Variants in DNASE1L1 observed in about 807,000 individuals in gnomAD.
DNASE1L1 encodes the protein deoxyribonuclease 1 like 1, also known as deoxyribonuclease-1-like 1.
In DNASE1L1, 8 loss-of-function variants were observed where a neutral mutation model predicts 18.6. That is an observed-to-expected ratio of 0.43 (90% CI 0.25 to 0.78). The LOEUF (loss-of-function observed/expected upper bound fraction) is 0.78. DNASE1L1 is among the 30% of genes least tolerant of loss of function. The probability of loss-of-function intolerance (pLI) is 0.23; values close to 1 mark genes in which losing one functional copy is unlikely to be tolerated. For synonymous variants in DNASE1L1, 114 were observed against 114.2 expected (o/e 1.00, Z 0.01); for missense variants, 214 against 258.2 (o/e 0.83, Z 1.17).
At chrX:154,411,462 G>A (rs2068283767), upstream of DNASE1L1, 2 of 208,375 alleles carry the variant, frequency 9.6e-6, no homozygotes, top group Non-Finnish European at 8.9e-6. Flanking sequence ...CCGCCGCCCC[G>A]GGGCTGGCCT....
chrX:154,409,483 G>A (rs954059416), upstream of DNASE1L1: 11 of 125,116 alleles, frequency 8.8e-5, no homozygotes, highest in Non-Finnish European at 1.8e-4. Flanking sequence ...AGCTTCGCTC[G>A]CCAGGCCCGT....
upstream of DNASE1L1, chrX:154,411,827 C>T (rs727504330): frequency 3.4e-6 from 4 of 1,169,612 alleles, no homozygotes; most frequent in Non-Finnish European, 4.6e-6. Flanking sequence ...GGAGCGCCGG[C>T]CGCGGGCCGG....
Position 154,402,582 on chromosome X carries a change from GC to G in DNASE1L1, c.*124del. 1.5e-6 allele frequency: 1 copy of G among 685,461 alleles called. No homozygotes were observed. The highest frequency in any genetic ancestry group is 2.1e-6 in the Non-Finnish European group (1 of 472,454). The allele number at this position is 685,461 out of a possible 1,213,427, so 56.5% of individuals were successfully genotyped here. The stretch of plus-strand genomic sequence containing the variant: ...ACAAGAGCCAAATCAAACAAGGCAG[GC>G]AGGGGTGGACTACAGTCACAGGGCA... On this transcript the variant is annotated 3_prime_UTR_variant, in exon 8 of 8. Coordinates refer to ENST00000369807, the MANE Select transcript of DNASE1L1 (RefSeq NM_001303620.2).
rs782219897 is a variant in DNASE1L1, at chrX:154,405,502, C to T, written c.67G>A (p.Ala23Thr). The stretch of plus-strand genomic sequence containing the variant: ...AGTGTCAGCCGCTGGGCATTGAAGG[C>T]GCAGATGCGAAAGGCCTGGGCCCCA... ...ANGAQAFRICAFNAQRLTLAK... is the reference protein window; with the variant it reads ...ANGAQAFRICTFNAQRLTLAK... The change falls in exon 2 of 8, where the codon GCC (alanine) becomes ACC (threonine). Residue 23 changes from alanine (A) to threonine (T), a missense_variant. Physicochemically the swap from Ala to Thr is moderately conservative, Grantham distance 58. Coordinates refer to ENST00000369807, the MANE Select transcript of DNASE1L1 (RefSeq NM_001303620.2). 1.8e-5 allele frequency: 22 copies of T among 1,204,076 alleles called. No individual in the cohort carries two copies. The highest frequency in any genetic ancestry group is 3.5e-5 in the African/African-American group (2 of 57,744).
At chrX:154,406,366 T>A (rs1198134591) in intron 1 of DNASE1L1, among the ~76,000 whole-genome samples, 3 of 92,988 alleles carry the variant, frequency 3.2e-5, no homozygotes, top group Non-Finnish European at 6.0e-5. Context: ...TCCATCCATC[T>A]GGTTTTTTTT....
rs782133899 is a variant in DNASE1L1, at chrX:154,405,066, G to A, written c.153C>T (p.Asp51=). ...DTLVRILARC[D]IMVLQEVVDS... ...CCACCACCTCCTGCAGCACCATGAT[G>A]TCACAGCGAGCCAGTATCTGTGGGA... Residue 51 remains aspartate (D), a synonymous_variant, in exon 3 of 8, where the codon GAC becomes GAT. Coordinates refer to ENST00000369807, the MANE Select transcript of DNASE1L1 (RefSeq NM_001303620.2). 2.5e-6 allele frequency: 3 copies of A among 1,210,706 alleles called. No individual in the cohort carries two copies. Among genetic ancestry groups the A allele is most frequent in the Non-Finnish European group, 3.4e-6 (3 of 895,025 alleles).
intron 5 of DNASE1L1, 60 bp from the exon 6 acceptor site, chrX:154,403,441 T>C: frequency 8.4e-7 from 1 of 1,194,888 alleles, no homozygotes; most frequent in African/African-American, 1.7e-5. Context: ...CCCTAGCCCG[T>C]CTGGGTGAGG....
intron 1 of DNASE1L1, among the ~76,000 whole-genome samples, chrX:154,407,218 ATTTTTTTTTTTTTTTTTTTTTTT>A (rs782115573): frequency 3.9e-5 from 1 of 25,734 alleles, no homozygotes; most frequent in East Asian, 1.7e-3. Context: ...AAGTGCTGGG[ATTTTTTTTTTTTTTTTTTTTTTT>A]TTTTTTTTTT....
At chrX:154,404,597 G>A (rs1247816199) in intron 4 of DNASE1L1, among the ~76,000 whole-genome samples, 1 of 112,468 alleles carries the variant, frequency 8.9e-6, no homozygotes, top group Non-Finnish European at 1.9e-5. Flanking sequence ...GAGAGGAGGA[G>A]GGACCCCACA....
Position 154,401,753 on chromosome X carries a change from A to G in DNASE1L1, c.*954T>C, listed in dbSNP as rs782113490. On this transcript the variant is annotated 3_prime_UTR_variant, in exon 8 of 8. Transcript: ENST00000369807. ...TTTTTTGTAATCTCAGTTTACAGCC[A>G]TTTCTTAGGTTTTTAATTACCTTTA... is the stretch of plus-strand genomic sequence containing the variant. 9.0e-5 allele frequency: 10 copies of G among 111,494 alleles called. No individual in the cohort carries two copies. Among genetic ancestry groups the G allele is most frequent in the Admixed American group, 5.7e-4 (6 of 10,572 alleles). 9.2% of individuals were successfully genotyped at this position (111,494 alleles called of 1,213,427 possible). A position where few individuals can be genotyped will look rare whatever the true frequency, so the allele number is the denominator to read the frequency against.
In DNASE1L1 at chrX:154,401,345, TCCA is replaced by T. The variant is rs782181852; in HGVS notation, c.*1359_*1361del. ...GGCCATTCCTCCTTGGTGGGAATCA[TCCA>T]GGTACTGCTGAGGTCACCTGCGATT... On this transcript the variant is annotated 3_prime_UTR_variant, in exon 8 of 8. Coordinates refer to ENST00000369807, the MANE Select transcript of DNASE1L1 (RefSeq NM_001303620.2). 3.0e-4 allele frequency: 53 copies of T among 179,201 alleles called. No homozygotes were observed. The South Asian group carries it at 4.6e-3, about 15-fold the overall frequency. 14.8% of individuals were successfully genotyped at this position (179,201 alleles called of 1,213,427 possible).
In DNASE1L1 at chrX:154,407,218, A is replaced by ATTTT. The variant is rs782115573; in HGVS notation, c.-87-1567_-87-1564dup. On this transcript the variant is annotated intron_variant, in intron 1 of 7. Transcript: ENST00000369807. ...TACCTCAGCCTCCCAAAGTGCTGGG[A>ATTTT]TTTTTTTTTTTTTTTTTTTTTTTTT... Among the ~76,000 whole-genome samples the ATTTT allele has an allele frequency of 5.0e-4, 13 of 25,750 alleles. 4 individuals carry two copies. The highest frequency in any genetic ancestry group is 9.2e-4 in the Non-Finnish European group (12 of 13,031). 22.4% of individuals were successfully genotyped at this position (25,750 alleles called of 115,157 possible). A position where few individuals can be genotyped will look rare whatever the true frequency, so the allele number is the denominator to read the frequency against.
Position 154,405,579 on chromosome X carries a change from G to C in DNASE1L1, c.-11C>G. Reference sequence around the variant, plus strand: ...AGTTGGGTAGTGCATGGCTGTGTGTGGCTGCCGGGGACACCCCAGGAATCC... The same window carrying C: ...AGTTGGGTAGTGCATGGCTGTGTGTCGCTGCCGGGGACACCCCAGGAATCC... On this transcript the variant is annotated 5_prime_UTR_variant, in exon 2 of 8. Coordinates refer to ENST00000369807, the MANE Select transcript of DNASE1L1 (RefSeq NM_001303620.2). 1 of 1,132,026 alleles carries C rather than the reference G, an allele frequency of 8.8e-7. No homozygotes were observed. The highest frequency in any genetic ancestry group is 1.8e-5 in the African/African-American group (1 of 55,800). The allele number at this position is 1,132,026 out of a possible 1,213,427, so 93.3% of individuals were successfully genotyped here.
chrX:154,402,593 C>A lies in DNASE1L1; in HGVS notation c.*114G>T. On this transcript the variant is annotated 3_prime_UTR_variant, in exon 8 of 8. Transcript: ENST00000369807. ...ATCAAACAAGGCAGGCAGGGGTGGACTACAGTCACAGGGCAACTATAGTTG... is the reference window on the plus strand; with the variant it reads ...ATCAAACAAGGCAGGCAGGGGTGGAATACAGTCACAGGGCAACTATAGTTG... 1.3e-6 allele frequency: 1 copy of A among 759,631 alleles called. No homozygotes were observed. Among genetic ancestry groups the A allele is most frequent in the Non-Finnish European group, 1.9e-6 (1 of 537,348 alleles). The allele number at this position is 759,631 out of a possible 1,213,427, so 62.6% of individuals were successfully genotyped here.
At chrX:154,411,835 C>T, upstream of DNASE1L1, 1 of 1,180,231 alleles carries the variant, frequency 8.5e-7, no homozygotes. Flanking sequence ...GGCCGCGGGC[C>T]GGGTGGGGAT....
At position 154,403,689 on chromosome X, in the gene DNASE1L1, G is replaced by A. The variant is rs782334686; in HGVS notation, c.312-67C>T. 19 of 963,571 alleles carry A rather than the reference G, an allele frequency of 2.0e-5. No homozygotes were observed. The African/African-American group carries it at 2.5e-4, about 13-fold the overall frequency. The allele number at this position is 963,571 out of a possible 1,213,427, so 79.4% of individuals were successfully genotyped here. A position where few individuals can be genotyped will look rare whatever the true frequency, so the allele number is the denominator to read the frequency against. On this transcript the variant is annotated intron_variant, in intron 4 of 7. Transcript: ENST00000369807. Reference sequence around the variant, plus strand: ...TGATTTTGGCTTGCAAGTGCCAAACGGCGCTCAGGGAGGGGCCCTCCACTA... The same window carrying A: ...TGATTTTGGCTTGCAAGTGCCAAACAGCGCTCAGGGAGGGGCCCTCCACTA...
chrX:154,404,147 C>CTTTTTTTTTTTTTTTT (rs35330789), intron 4 of DNASE1L1, among the ~76,000 whole-genome samples: 1 of 65,313 alleles, frequency 1.5e-5, no homozygotes, highest in African/African-American at 6.7e-5. Flanking sequence ...TGATGTCATT[C>CTTTTTTTTTTTTTTTT]TTTTTTTTTT....
rs782050602 is a variant in DNASE1L1, at chrX:154,402,688, T to TG, written c.*18dup. The TG allele has an allele frequency of 2.0e-5, 24 of 1,196,102 alleles. No homozygotes were observed. The highest frequency in any genetic ancestry group is 1.8e-4 in the East Asian group (6 of 33,396). On this transcript the variant is annotated 3_prime_UTR_variant, in exon 8 of 8. Transcript: ENST00000369807. ...TTAAGTCCCAAAAGGCAGCAGGCCC[T>TG]GGGGGGGTAGGGGGACGCTCAGGCA... is the stretch of plus-strand genomic sequence containing the variant.
At chrX:154,403,449 A>C (rs781839160) in intron 5 of DNASE1L1, 68 bp from the exon 6 acceptor site, 3 of 1,191,649 alleles carry the variant, frequency 2.5e-6, no homozygotes, top group East Asian at 3.0e-5. Context: ...CGTCTGGGTG[A>C]GGAAGCCCCC....
Sources: gnomAD v4.1 joint callset for allele counts (sites outside exome capture counted in the v4.1 genomes callset) on GRCh38, gnomAD v4.1.1 for gene constraint, MANE v1.5 for transcripts, NCBI Gene and HGNC (gene_info 2026-07-23, HGNC 2026-07-21) for gene names.